SORCS3: variants seen among roughly 807,000 people sequenced by gnomAD.
SORCS3 encodes sortilin related VPS10 domain containing receptor 3.
Under a neutral mutation model 146.3 loss-of-function variants are expected in SORCS3, and 57 were observed. The ratio of observed to expected loss-of-function variants is 0.39; its 90% CI spans 0.31 to 0.49. The LOEUF is 0.49. SORCS3 is among the 20% of genes least tolerant of loss of function. SORCS3 has a pLI of 0.92. For synonymous variants in SORCS3, 653 were observed against 618.5 expected (o/e 1.06, Z -0.83); for missense variants, 1,341 against 1,575.5 (o/e 0.85, Z 2.52).
At chr10:104,826,153 T>C (rs937437078) in intron 1 of SORCS3, among the ~76,000 whole-genome samples, 1 of 152,304 alleles carries the variant, frequency 6.6e-6, no homozygotes, top group Non-Finnish European at 1.5e-5. Flanking sequence ...ATGGGGATAA[T>C]GCTATCTCCC....
At chr10:104,971,892 G>A (rs538775478) in intron 3 of SORCS3, among the ~76,000 whole-genome samples, 7 of 152,174 alleles carry the variant, frequency 4.6e-5, no homozygotes, top group African/African-American at 1.7e-4. Flanking sequence ...AGACGGAATT[G>A]TTGTGGTATC....
At chr10:104,992,067 T>G (rs901025040) in intron 4 of SORCS3, among the ~76,000 whole-genome samples, 2 of 152,212 alleles carry the variant, frequency 1.3e-5, no homozygotes, top group African/African-American at 4.8e-5. Context: ...AGTCTCTTCC[T>G]GCTGTGTAGC....
chr10:104,864,767 A>G (rs950003845), intron 2 of SORCS3, among the ~76,000 whole-genome samples: 1 of 152,210 alleles, frequency 6.6e-6, no homozygotes, highest in Non-Finnish European at 1.5e-5. Context: ...GAGATACTGC[A>G]AGAGGACCCA....
chr10:105,175,404 G>C (rs537657258), intron 13 of SORCS3, among the ~76,000 whole-genome samples: 2 of 151,910 alleles, frequency 1.3e-5, no homozygotes, highest in Non-Finnish European at 2.9e-5. Context: ...ACAGAGAGAG[G>C]CCTTAAATTC....
chr10:104,751,924 CAT>C (rs71482435), intron 1 of SORCS3, among the ~76,000 whole-genome samples: 1,396 of 38,022 alleles, frequency 0.037, 12 homozygotes, highest in Non-Finnish European at 0.058. Context: ...TAATAGGAAG[CAT>C]ATATATATAT....
rs1384084281 is a variant in SORCS3 at position 105,252,885 on chromosome 10, C to A, written c.3216C>A (p.Gly1072=). ...PPKNLTERRK[G]NEGDLEQIVE... ...AGAACCTGACAGAGAGGAGGAAAGGCAATGAAGGGGACCTGGAACAAGTAA... is the reference window on the plus strand; with the variant it reads ...AGAACCTGACAGAGAGGAGGAAAGGAAATGAAGGGGACCTGGAACAAGTAA... Residue 1072 remains glycine, a synonymous_variant, in exon 23 of 27, where the codon GGC becomes GGA. Coordinates refer to ENST00000369701, the MANE Select transcript of SORCS3 (RefSeq NM_014978.3). 6.2e-7 allele frequency: 1 copy of A among 1,613,648 alleles called. No homozygotes were observed. Among genetic ancestry groups the A allele is most frequent in the Non-Finnish European group, 8.5e-7 (1 of 1,179,802 alleles).
chr10:105,112,425 C>T (rs753877874), intron 7 of SORCS3, among the ~76,000 whole-genome samples: 15 of 152,042 alleles, frequency 9.9e-5, no homozygotes, highest in African/African-American at 2.7e-4. Flanking sequence ...TAGAAAAGGG[C>T]GAGCTTTTTC....
intron 17 of SORCS3, among the ~76,000 whole-genome samples, chr10:105,212,899 T>C (rs1479554994): frequency 2.0e-5 from 3 of 152,224 alleles, no homozygotes; most frequent in African/African-American, 4.8e-5. Flanking sequence ...AGACCAGTGA[T>C]GACCAAATTA....
intron 1 of SORCS3, among the ~76,000 whole-genome samples, chr10:104,798,908 A>G (rs1429983263): frequency 6.6e-6 from 1 of 152,234 alleles, no homozygotes; most frequent in African/African-American, 2.4e-5. Flanking sequence ...CACTTCTCAA[A>G]AGAAGACATT....
intron 3 of SORCS3, among the ~76,000 whole-genome samples, chr10:104,967,711 G>A (rs1002130860): frequency 6.6e-6 from 1 of 152,052 alleles, no homozygotes; most frequent in Non-Finnish European, 1.5e-5. Context: ...GTCTGGCTCT[G>A]TTGCCCAGGC....
chr10:104,912,960 A>T (rs1223799953), intron 2 of SORCS3, among the ~76,000 whole-genome samples: 1 of 152,146 alleles, frequency 6.6e-6, no homozygotes, highest in East Asian at 1.9e-4. Flanking sequence ...GGAAACAGGG[A>T]TGGATAGTTC....
intron 2 of SORCS3, among the ~76,000 whole-genome samples, chr10:104,909,549 G>A (rs2018944464): frequency 6.6e-6 from 1 of 152,116 alleles, no homozygotes; most frequent in Admixed American, 6.5e-5. Flanking sequence ...GAGCTCAGGG[G>A]CAAGAAGAGG....
intron 1 of SORCS3, among the ~76,000 whole-genome samples, chr10:104,794,952 G>A (rs919262439): frequency 1.3e-5 from 2 of 151,944 alleles, no homozygotes; most frequent in Non-Finnish European, 2.9e-5. Context: ...GTAAGAACCA[G>A]CACAATAGGA....
intron 2 of SORCS3, among the ~76,000 whole-genome samples, chr10:104,903,437 A>G (rs895225039): frequency 6.6e-5 from 10 of 152,210 alleles, no homozygotes; most frequent in African/African-American, 2.2e-4. Context: ...TAAAAACAAT[A>G]GAAAACCAGA....
chr10:104,654,310 G>A (rs12414622), intron 1 of SORCS3, among the ~76,000 whole-genome samples: 12,517 of 152,210 alleles, frequency 0.082, 574 homozygotes, highest in Admixed American at 0.13. Context: ...TTTCTTTTGA[G>A]TATATAACCA....
At position 104,985,462 on chromosome 10, in the gene SORCS3, C is replaced by A. The variant is rs540729097; in HGVS notation, c.954+7969C>A. Among the ~76,000 whole-genome samples the A allele has an allele frequency of 2.0e-5, 3 of 152,220 alleles. No individual in the cohort carries two copies. The South Asian group carries it at 6.2e-4, about 32-fold the overall frequency. ...AAGTCTTGAACCTCTCAAAGTCATC[C>A]ATGAGAGTTGGAATCAACTTCTTTC... On this transcript the variant is annotated intron_variant, in intron 4 of 26. Transcript: ENST00000369701.
chr10:104,643,652 T>C (rs1235430733), intron 1 of SORCS3, among the ~76,000 whole-genome samples: 1 of 151,920 alleles, frequency 6.6e-6, no homozygotes, highest in Non-Finnish European at 1.5e-5. Flanking sequence ...GACCTCAGGG[T>C]TGATTCTCTG....
intron 5 of SORCS3, among the ~76,000 whole-genome samples, chr10:105,079,396 T>A (rs1287065976): frequency 1.3e-5 from 2 of 152,204 alleles, no homozygotes; most frequent in Non-Finnish European, 2.9e-5. Context: ...AGGGAATATG[T>A]AGAGTGGACT....
intron 2 of SORCS3, among the ~76,000 whole-genome samples, chr10:104,849,713 G>T (rs1226642812): frequency 6.6e-6 from 1 of 152,170 alleles, no homozygotes; most frequent in Non-Finnish European, 1.5e-5. Flanking sequence ...TGCAAAAGTT[G>T]TCAATGTAAT....
Sources: gnomAD v4.1 joint callset for allele counts (sites outside exome capture counted in the v4.1 genomes callset) on GRCh38, gnomAD v4.1.1 for gene constraint, MANE v1.5 for transcripts, NCBI Gene and HGNC (gene_info 2026-07-23, HGNC 2026-07-21) for gene names.